DGLUCY: variants seen among roughly 807,000 people sequenced by gnomAD.
DGLUCY encodes D-glutamate cyclase.
Under a neutral mutation model 58.5 loss-of-function variants are expected in DGLUCY, and 58 were observed. The observed-to-expected ratio is 0.99, with a 90% CI of 0.80 to 1.23. DGLUCY has a LOEUF of 1.23. Ranked by LOEUF, DGLUCY falls within the 50% of genes most tolerant of loss-of-function variation. DGLUCY has a pLI of 0.00. For missense variants in DGLUCY, 779 were observed against 784.7 expected, an observed-to-expected ratio of 0.99 and a Z score of 0.09; for synonymous variants, 325 against 314.1, an observed-to-expected ratio of 1.03 and a Z score of -0.37.
At chr14:91,186,436 G>A (rs1407447966) in intron 8 of DGLUCY, among the ~76,000 whole-genome samples, 1 of 151,890 alleles carries the variant, frequency 6.6e-6, no homozygotes, top group Admixed American at 6.6e-5. Flanking sequence ...TATTAGAGAC[G>A]GGGTTTCACC....
intron 3 of DGLUCY, among the ~76,000 whole-genome samples, chr14:91,162,134 C>T (rs1313109159): frequency 2.6e-5 from 4 of 152,056 alleles, no homozygotes; most frequent in Non-Finnish European, 1.5e-5. Flanking sequence ...GTGGGACTGT[C>T]GGGAGGGGCA....
chr14:91,085,899 A>G (rs1222579306), intron 1 of DGLUCY, among the ~76,000 whole-genome samples: 1 of 152,134 alleles, frequency 6.6e-6, no homozygotes, highest in African/African-American at 2.4e-5. Flanking sequence ...AGGGGTTCCC[A>G]ACCCCCAGGC....
chr14:91,204,969 T>C, intron 12 of DGLUCY, 144 bp downstream of exon 12: 1 of 1,078,132 alleles, frequency 9.3e-7, no homozygotes, highest in Non-Finnish European at 1.3e-6. Flanking sequence ...GCTCAGCCTA[T>C]GACCTTTCAT....
intron 7 of DGLUCY, among the ~76,000 whole-genome samples, chr14:91,180,064 A>AT (rs1347825600): frequency 6.7e-6 from 1 of 150,234 alleles, no homozygotes; most frequent in African/African-American, 2.4e-5. Flanking sequence ...TAATTTTTGT[A>AT]TTTTTAATAG....
rs571409677 is a variant in DGLUCY at position 91,187,188 on chromosome 14, C to T, written c.935-1722C>T. ...CTAATTTTTGTATTTTTAGTAGAGACGGGGTTTCACTTTGTTGACCAGGCT... is the reference window on the plus strand; with the variant it reads ...CTAATTTTTGTATTTTTAGTAGAGATGGGGTTTCACTTTGTTGACCAGGCT... On this transcript the variant is annotated intron_variant, in intron 8 of 13. Transcript: ENST00000256324. Among the ~76,000 whole-genome samples the T allele has an allele frequency of 9.9e-5, 15 of 152,154 alleles. No homozygotes were observed. The East Asian group carries it at 1.5e-3, about 16-fold the overall frequency.
At chr14:91,111,159 A>G (rs2044685797), upstream of DGLUCY, among the ~76,000 whole-genome samples, 1 of 151,248 alleles carries the variant, frequency 6.6e-6, no homozygotes, top group South Asian at 2.1e-4. Flanking sequence ...GTGCCAGTAG[A>G]TAATATGTTT....
Position 91,171,020 on chromosome 14 carries a change from G to A in DGLUCY, c.456+819G>A, listed in dbSNP as rs12433732. On this transcript the variant is annotated intron_variant, in intron 5 of 13. Coordinates refer to ENST00000256324, the MANE Select transcript of DGLUCY (RefSeq NM_001102368.3). ...CTGCCTTCATGGGTGAAGTGTGCCC[G>A]AGCGGTTCTCTTGAAGCTAGGGAAG... Among the ~76,000 whole-genome samples, 504 of 152,244 alleles carry A rather than the reference G, an allele frequency of 3.3e-3. 4 individuals are homozygous for A. Among genetic ancestry groups the A allele is most frequent in the African/African-American group, 0.011 (439 of 41,548 alleles).
intron 13 of DGLUCY, among the ~76,000 whole-genome samples, chr14:91,222,472 G>A (rs1460926911): frequency 6.6e-6 from 1 of 152,204 alleles, no homozygotes; most frequent in Non-Finnish European, 1.5e-5. Flanking sequence ...CAAACAAAGG[G>A]CGGGAAATGC....
intron 1 of DGLUCY, among the ~76,000 whole-genome samples, chr14:91,063,684 G>C (rs180775873): frequency 1.3e-5 from 2 of 152,388 alleles, no homozygotes; most frequent in African/African-American, 4.8e-5. Context: ...ATTCGGTTGA[G>C]AGATTGAGAA....
chr14:91,140,036 A>G (rs994553109), intron 1 of DGLUCY, among the ~76,000 whole-genome samples: 1 of 152,260 alleles, frequency 6.6e-6, no homozygotes, highest in Non-Finnish European at 1.5e-5. Flanking sequence ...AACTACCTGC[A>G]GAGATCTTTA....
chr14:91,184,056 A>G (rs1207248533), intron 8 of DGLUCY, among the ~76,000 whole-genome samples: 3 of 151,940 alleles, frequency 2.0e-5, no homozygotes, highest in African/African-American at 2.4e-5. Flanking sequence ...GGGAAGATCT[A>G]GGTAGCTACC....
chr14:91,086,519 A>G lies in DGLUCY; in HGVS notation c.-82+25815A>G, dbSNP rs2044223105. ...TAAATGCTATATAGACCATTGTTAC[A>G]CTGTATCATTTAGGGAATAATGACA... On this transcript the variant is annotated intron_variant, in intron 1 of 4. Transcript: ENST00000521334. Among the ~76,000 whole-genome samples the G allele has an allele frequency of 3.9e-5, 6 of 152,282 alleles. No homozygotes were observed. In the South Asian group the frequency reaches 1.0e-3, roughly 26 times the overall value.
intron 1 of DGLUCY, among the ~76,000 whole-genome samples, chr14:91,149,242 T>C (rs10135993): frequency 0.36 from 53,347 of 148,522 alleles, 9,938 homozygotes; most frequent in Non-Finnish European, 0.4. Context: ...AGCGAAACTC[T>C]ATCTCAAAAA....
chr14:91,088,548 G>C (rs1241053497), intron 1 of DGLUCY, among the ~76,000 whole-genome samples: 2 of 152,156 alleles, frequency 1.3e-5, no homozygotes, highest in Non-Finnish European at 2.9e-5. Flanking sequence ...GCTGTCAGCA[G>C]TGCCTCTGAT....
intron 2 of DGLUCY, among the ~76,000 whole-genome samples, chr14:91,159,999 G>GTT: frequency 6.6e-6 from 1 of 152,312 alleles, no homozygotes; most frequent in Non-Finnish European, 1.5e-5. Flanking sequence ...TGCAGCTCCC[G>GTT]AGGAATGGAA....
chr14:91,221,804 T>C (rs1004769871), intron 13 of DGLUCY, among the ~76,000 whole-genome samples: 2 of 152,110 alleles, frequency 1.3e-5, no homozygotes, highest in African/African-American at 4.8e-5. Flanking sequence ...AAGTGTACAG[T>C]TGGATGAATT....
intron 1 of DGLUCY, among the ~76,000 whole-genome samples, chr14:91,074,857 G>A (rs999465636): frequency 2.6e-5 from 4 of 152,164 alleles, no homozygotes; most frequent in African/African-American, 9.7e-5. Context: ...CAGATCACCT[G>A]AGTTCAGGAG....
intron 1 of DGLUCY, among the ~76,000 whole-genome samples, chr14:91,086,688 T>A (rs941823869): frequency 1.3e-5 from 2 of 152,214 alleles, no homozygotes; most frequent in Non-Finnish European, 2.9e-5. Flanking sequence ...GTTCAGATTC[T>A]CTATCAGATC....
intron 3 of DGLUCY, among the ~76,000 whole-genome samples, chr14:91,160,814 C>A (rs181962751): frequency 3.9e-5 from 6 of 152,270 alleles, no homozygotes; most frequent in Admixed American, 3.9e-4. Context: ...TCCCTACTGT[C>A]TCCTGGGAGT....
Sources: gnomAD v4.1 joint callset for allele counts (sites outside exome capture counted in the v4.1 genomes callset) on GRCh38, gnomAD v4.1.1 for gene constraint, MANE v1.5 for transcripts, NCBI Gene and HGNC (gene_info 2026-07-23, HGNC 2026-07-21) for gene names.